The following SLC25A12 variants were observed in gnomAD, a reference collection of about 807,000 sequenced individuals.
SLC25A12 encodes the protein electrogenic aspartate/glutamate antiporter SLC25A12, mitochondrial.
SLC25A12 carries 32 observed loss-of-function variants against 83.3 expected under a neutral mutation model. The ratio of observed to expected loss-of-function variants is 0.38; its 90% CI spans 0.29 to 0.52. The LOEUF (loss-of-function observed/expected upper bound fraction) is 0.52. Ranked by LOEUF, SLC25A12 falls within the 20% of genes least tolerant of loss-of-function variation. The probability of loss-of-function intolerance (pLI) is 0.84; values close to 1 mark genes in which losing one functional copy is unlikely to be tolerated. For missense variants in SLC25A12, 611 were observed against 835.6 expected (o/e 0.73, Z 3.31); for synonymous variants, 267 against 291.1 (o/e 0.92, Z 0.84).
chr2:171,866,210 GAA>G (rs1351672096), intron 3 of SLC25A12, among the ~76,000 whole-genome samples: 1 of 142,296 alleles, frequency 7.0e-6, no homozygotes, highest in Non-Finnish European at 1.5e-5. Context: ...AGAACAAAAT[GAA>G]AAGTCTCCCA....
rs1050825754 is a variant in SLC25A12 at position 171,785,623 on chromosome 2, C to G, written c.1836-148G>C. 1.7e-5 allele frequency: 12 copies of G among 722,010 alleles called. No homozygotes were observed. In the African/African-American group the frequency reaches 1.9e-4, roughly 12 times the overall value. 44.7% of individuals were successfully genotyped at this position (722,010 alleles called of 1,614,324 possible). On this transcript the variant is annotated intron_variant, in intron 17 of 17. Coordinates refer to ENST00000422440, the MANE Select transcript of SLC25A12 (RefSeq NM_003705.5). ...GGCATCTGTGCTGCATGACTAGAAA[C>G]CACAGTCATGATTTATAGCTGCTTT...
In SLC25A12 at chr2:171,837,229, G is replaced by C. The variant is rs369253294; in HGVS notation, c.504C>G (p.Leu168=). ...QLEHARQAFA[L]KDKSKSGMIS... ...TCATGCCACTTTTGCTTTTGTCTTTGAGTGCAAAGGCTTGTCTTGCATGTT... is the reference window on the plus strand; with the variant it reads ...TCATGCCACTTTTGCTTTTGTCTTTCAGTGCAAAGGCTTGTCTTGCATGTT... The change falls in exon 6 of 18, where the codon CTC becomes CTG. Residue 168 remains leucine, a synonymous_variant. Transcript: ENST00000422440. 6.2e-7 allele frequency: 1 copy of C among 1,614,000 alleles called. No homozygotes were observed. The highest frequency in any genetic ancestry group is 8.5e-7 in the Non-Finnish European group (1 of 1,179,968).
chr2:171,874,141 G>A (rs921007476), intron 2 of SLC25A12, among the ~76,000 whole-genome samples: 16 of 152,086 alleles, frequency 1.1e-4, no homozygotes, highest in African/African-American at 3.9e-4. Context: ...CAGGAGAGTC[G>A]CTTGAACCCG....
intron 8 of SLC25A12, 112 bp from the exon 9 acceptor site, chr2:171,826,994 T>G (rs1182378157): frequency 1.1e-5 from 8 of 706,642 alleles, no homozygotes; most frequent in Non-Finnish European, 1.8e-5. Flanking sequence ...TTAAAATCAT[T>G]ACTTCCCTAT....
At chr2:171,888,407 A>G (rs1351993839) in intron 2 of SLC25A12, among the ~76,000 whole-genome samples, 2 of 151,210 alleles carry the variant, frequency 1.3e-5, no homozygotes, top group African/African-American at 2.4e-5. Context: ...CTGATATACC[A>G]GTACTTTCAA....
intron 2 of SLC25A12, among the ~76,000 whole-genome samples, chr2:171,871,287 G>A (rs565942689): frequency 5.3e-5 from 8 of 150,564 alleles, no homozygotes; most frequent in South Asian, 2.1e-4. Context: ...CCCAGTGGCC[G>A]GGCGCAGTGG....
At chr2:171,867,814 C>T (rs1339119341) in intron 3 of SLC25A12, among the ~76,000 whole-genome samples, 1 of 152,178 alleles carries the variant, frequency 6.6e-6, no homozygotes, top group Non-Finnish European at 1.5e-5. Context: ...TGCAGCAGTG[C>T]TACACCTTGA....
intron 2 of SLC25A12, among the ~76,000 whole-genome samples, chr2:171,878,985 T>TA (rs1300980296): frequency 7.9e-5 from 12 of 152,234 alleles, no homozygotes; most frequent in Non-Finnish European, 1.5e-4. Context: ...CAAACCCTGT[T>TA]AAACAGTACA....
At chr2:171,837,392 G>T in intron 5 of SLC25A12, 125 bp from the exon 6 acceptor site, 1 of 1,015,636 alleles carries the variant, frequency 9.8e-7, no homozygotes, top group Non-Finnish European at 1.5e-6. Flanking sequence ...ACAATGCACA[G>T]ATCTGAATTT....
chr2:171,834,622 T>C lies in SLC25A12; in HGVS notation c.751+105A>G, dbSNP rs1684518229. 4 of 1,302,436 alleles carry C rather than the reference T, an allele frequency of 3.1e-6. No individual in the cohort carries two copies. In the Admixed American group the frequency reaches 6.9e-5, roughly 22 times the overall value. 80.7% of individuals were successfully genotyped at this position (1,302,436 alleles called of 1,614,324 possible). On this transcript the variant is annotated intron_variant, in intron 7 of 17. Coordinates refer to ENST00000422440, the MANE Select transcript of SLC25A12 (RefSeq NM_003705.5). ...AGCATACATACACATGGTAACATAC[T>C]TTCTAGATCTGGCTTTAGAGTGGTA...
intron 4 of SLC25A12, among the ~76,000 whole-genome samples, chr2:171,847,122 T>G (rs1301094407): frequency 6.6e-6 from 1 of 152,142 alleles, no homozygotes; most frequent in African/African-American, 2.4e-5. Context: ...TGTGGTTTAT[T>G]TACTCTGACA....
chr2:171,818,705 G>A (rs1479182389), intron 9 of SLC25A12, among the ~76,000 whole-genome samples: 3 of 152,012 alleles, frequency 2.0e-5, no homozygotes, highest in Non-Finnish European at 4.4e-5. Flanking sequence ...CTGGGAGGTT[G>A]AGGCTGCAGT....
At chr2:171,881,874 G>A (rs762672558) in intron 2 of SLC25A12, among the ~76,000 whole-genome samples, 1 of 151,996 alleles carries the variant, frequency 6.6e-6, no homozygotes, top group African/African-American at 2.4e-5. Context: ...GATGGGGAGA[G>A]GAAGACCACC....
At position 171,868,840 on chromosome 2, in the gene SLC25A12, A is replaced by G. The variant is rs772611294; in HGVS notation, c.67-17T>C. 4 of 1,598,196 alleles carry G rather than the reference A, an allele frequency of 2.5e-6. No individual in the cohort carries two copies. The highest frequency in any genetic ancestry group is 2.7e-5 in the African/African-American group (2 of 74,756). Reference sequence around the variant, plus strand: ...ACTGGCATACTAAAAAAATAAATAAATAATGCATACTGAAAAATTATCCAA... The same window carrying G: ...ACTGGCATACTAAAAAAATAAATAAGTAATGCATACTGAAAAATTATCCAA... On this transcript the variant is annotated splice_polypyrimidine_tract_variant and intron_variant, in intron 2 of 17. Coordinates refer to ENST00000422440, the MANE Select transcript of SLC25A12 (RefSeq NM_003705.5).
intron 3 of SLC25A12, among the ~76,000 whole-genome samples, chr2:171,861,619 G>A (rs1205691650): frequency 1.3e-5 from 2 of 152,150 alleles, no homozygotes; most frequent in Non-Finnish European, 2.9e-5. Context: ...TGTTACCCCG[G>A]TTGGTTTTGA....
At chr2:171,863,529 CA>C (rs56272846) in intron 3 of SLC25A12, among the ~76,000 whole-genome samples, 104,366 of 128,400 alleles carry the variant, frequency 0.81, 41,579 homozygotes, top group East Asian at 0.89. Flanking sequence ...CCGTCTCCGA[CA>C]AAAAAAAAAA....
intron 2 of SLC25A12, among the ~76,000 whole-genome samples, chr2:171,892,073 A>C (rs1685950633): frequency 6.6e-6 from 1 of 152,214 alleles, no homozygotes; most frequent in Admixed American, 6.5e-5. Context: ...CTTGGAGATC[A>C]CCTCTCATTT....
intron 10 of SLC25A12, among the ~76,000 whole-genome samples, chr2:171,814,741 GTA>G (rs1684015585): frequency 6.6e-6 from 1 of 152,088 alleles, no homozygotes; most frequent in Admixed American, 6.6e-5. Flanking sequence ...AGAACATGTG[GTA>G]TTTGGTTTTC....
chr2:171,814,600 T>G (rs547022554), intron 10 of SLC25A12, among the ~76,000 whole-genome samples: 71 of 152,034 alleles, frequency 4.7e-4, no homozygotes, highest in Non-Finnish European at 7.8e-4. Context: ...CAGGTATTAA[T>G]CCCAGCATCC....
Sources: allele counts gnomAD v4.1 joint callset (sites outside exome capture counted in the v4.1 genomes callset), GRCh38; gene constraint gnomAD v4.1.1; transcripts MANE v1.5; gene names NCBI Gene and HGNC (gene_info 2026-07-23, HGNC 2026-07-21).